PYGB: variants seen among roughly 807,000 people sequenced by gnomAD.
The protein encoded by PYGB is glycogen phosphorylase, brain form.
PYGB carries 82 observed loss-of-function variants against 94.3 expected under a neutral mutation model. That is an observed-to-expected ratio of 0.87 (90% CI 0.73 to 1.04). The LOEUF (loss-of-function observed/expected upper bound fraction) is 1.04. PYGB is among the 50% of genes least tolerant of loss of function. PYGB has a pLI of 0.00. For missense variants in PYGB, 1,132 were observed against 1,158.2 expected (o/e 0.98, Z 0.33); for synonymous variants, 488 against 479.1 (o/e 1.02, Z -0.24).
At chr20:25,264,038 T>C (rs1443109513) in intron 2 of PYGB, among the ~76,000 whole-genome samples, 1 of 152,220 alleles carries the variant, frequency 6.6e-6, no homozygotes, top group Non-Finnish European at 1.5e-5. Context: ...AGTAAAATAC[T>C]GGCAAACCAA....
intron 12 of PYGB, among the ~76,000 whole-genome samples, chr20:25,282,488 A>G (rs2088377617): frequency 6.6e-6 from 1 of 152,238 alleles, no homozygotes; most frequent in Non-Finnish European, 1.5e-5. Flanking sequence ...GTTGGCTCCT[A>G]TGCAAGCTCC....
At chr20:25,284,580 G>A (rs1051803953) in intron 14 of PYGB, among the ~76,000 whole-genome samples, 1 of 152,150 alleles carries the variant, frequency 6.6e-6, no homozygotes, top group Non-Finnish European at 1.5e-5. Flanking sequence ...GACTACAGGC[G>A]CACGCCACTA....
At chr20:25,294,325 A>C in intron 18 of PYGB, 33 bp downstream of exon 18, 7 of 244,694 alleles carry the variant, frequency 2.9e-5, no homozygotes, top group African/African-American at 1.1e-4. Flanking sequence ...GGTGGCTGGG[A>C]GGGAGGGAGG....
At chr20:25,278,103 T>TCTC (rs11472555) in intron 7 of PYGB, among the ~76,000 whole-genome samples, 68,645 of 151,904 alleles carry the variant, frequency 0.45, 16,088 homozygotes, top group East Asian at 0.92. Context: ...GCACTGTACT[T>TCTC]CTGACGGATG....
chr20:25,296,328 G>T (rs1458638501), intron 19 of PYGB, 42 bp from the exon 20 acceptor site: 1 of 1,610,656 alleles, frequency 6.2e-7, no homozygotes, highest in Non-Finnish European at 8.5e-7. Flanking sequence ...GCAGCCCCAA[G>T]CCCTGTGACG....
intron 13 of PYGB, among the ~76,000 whole-genome samples, chr20:25,283,653 C>T (rs942480240): frequency 6.6e-6 from 1 of 152,250 alleles, no homozygotes; most frequent in South Asian, 2.1e-4. Flanking sequence ...GCTGTCTGCA[C>T]CGGCAGCAGC....
intron 17 of PYGB, 128 bp from the exon 18 acceptor site, chr20:25,294,030 G>A: frequency 7.6e-7 from 1 of 1,307,626 alleles, no homozygotes; most frequent in East Asian, 2.5e-5. Context: ...TGCTGCCCTG[G>A]ACCGTGCAGG....
chr20:25,281,966 A>G lies in PYGB; in HGVS notation c.1404-67A>G, dbSNP rs41282328. The G allele has an allele frequency of 2.6e-3, 3,527 of 1,367,332 alleles. 81 individuals are homozygous for G. The African/African-American group carries it at 0.044, about 17-fold the overall frequency. 84.7% of individuals were successfully genotyped at this position (1,367,332 alleles called of 1,614,324 possible). On this transcript the variant is annotated intron_variant, in intron 11 of 19. Transcript: ENST00000216962. ...CCTGGGACCTCCTTAAAAGGACTTT[A>G]AGGTCTGTTGCTCACCTGGTGCAGG...
rs1055455999 is a variant in PYGB, at chr20:25,292,310, C to T, written c.1970-96C>T. ...CAGCATTGGTCCCTCCACGACCCAGCCCCGGGTGGATGGGCCGGCTTGTCC... is the reference window on the plus strand; with the variant it reads ...CAGCATTGGTCCCTCCACGACCCAGTCCCGGGTGGATGGGCCGGCTTGTCC... On this transcript the variant is annotated intron_variant, in intron 16 of 19. Coordinates refer to ENST00000216962, the MANE Select transcript of PYGB (RefSeq NM_002862.4). 16 of 1,428,842 alleles carry T rather than the reference C, an allele frequency of 1.1e-5. No individual in the cohort carries two copies. In the African/African-American group the frequency reaches 1.7e-4, roughly 15 times the overall value. 88.5% of individuals were successfully genotyped at this position (1,428,842 alleles called of 1,614,324 possible).
Position 25,296,458 on chromosome 20 carries a change from G to A in PYGB, c.2468G>A (p.Arg823Gln), listed in dbSNP as rs758339184. 16 of 1,613,806 alleles carry A rather than the reference G, an allele frequency of 9.9e-6. No individual in the cohort carries two copies. Among genetic ancestry groups the A allele is most frequent in the African/African-American group, 1.3e-5 (1 of 74,920 alleles). ...SSDRTITEYA[R>Q]EIWGVEPSDL... ...GACCGGACCATCACGGAGTATGCAC[G>A]GGAGATCTGGGGTGTGGAGCCCTCC... The change falls in exon 20 of 20, where the codon CGG becomes CAG. Residue 823 changes from arginine (R) to glutamine (Q), a missense_variant. Coordinates refer to ENST00000216962, the MANE Select transcript of PYGB (RefSeq NM_002862.4).
intron 18 of PYGB, 120 bp from the exon 19 acceptor site, chr20:25,295,484 C>A: frequency 8.3e-7 from 1 of 1,204,134 alleles, no homozygotes; most frequent in Non-Finnish European, 1.2e-6. Context: ...GGGTGGGCCC[C>A]TTCGCTCCAG....
At chr20:25,271,748 A>C (rs1378983433) in intron 4 of PYGB, among the ~76,000 whole-genome samples, 1 of 152,174 alleles carries the variant, frequency 6.6e-6, no homozygotes, top group Non-Finnish European at 1.5e-5. Flanking sequence ...AGGACACAGA[A>C]TCCTGGGTGA....
At chr20:25,254,932 T>C (rs916802373) in intron 1 of PYGB, among the ~76,000 whole-genome samples, 1 of 152,236 alleles carries the variant, frequency 6.6e-6, no homozygotes, top group Non-Finnish European at 1.5e-5. Context: ...TAAAGTTCTA[T>C]AATTCTTTTA....
intron 15 of PYGB, 76 bp from the exon 16 acceptor site, chr20:25,290,404 AC>A: frequency 1.9e-6 from 3 of 1,543,284 alleles, no homozygotes; most frequent in Non-Finnish European, 2.7e-6. Context: ...CCCCCTACAG[AC>A]CCCAGGAACC....
intron 1 of PYGB, among the ~76,000 whole-genome samples, chr20:25,256,632 T>TA (rs1254592970): frequency 6.6e-6 from 1 of 152,210 alleles, no homozygotes; most frequent in Non-Finnish European, 1.5e-5. Flanking sequence ...AGGGCCTCCT[T>TA]AGAGCAGAGC....
At chr20:25,254,058 C>T (rs934705903) in intron 1 of PYGB, among the ~76,000 whole-genome samples, 3 of 130,308 alleles carry the variant, frequency 2.3e-5, no homozygotes, top group Admixed American at 7.6e-5. Context: ...GGCAACGGAG[C>T]GAGACTCTGT....
intron 2 of PYGB, among the ~76,000 whole-genome samples, chr20:25,267,893 A>G (rs893776320): frequency 3.3e-5 from 5 of 152,218 alleles, no homozygotes; most frequent in Admixed American, 6.5e-5. Context: ...AGGTAGGAAG[A>G]GTGTGCTGTA....
chr20:25,283,180 T>G lies in PYGB; in HGVS notation c.1523T>G (p.Ile508Ser). 6.2e-7 allele frequency: 1 copy of G among 1,612,524 alleles called. No homozygotes were observed. The highest frequency in any genetic ancestry group is 8.5e-7 in the Non-Finnish European group (1 of 1,178,796). Residue 508 changes from isoleucine (I) to serine (S), a missense_variant, in exon 13 of 20, where the codon ATT (isoleucine) becomes AGT (serine). Coordinates refer to ENST00000216962, the MANE Select transcript of PYGB (RefSeq NM_002862.4). ...PGLADTIVEK[I>S]GEEFLTDLSQ... ...CGGAACCTTTACGTTCTCCAGAAAA[T>G]TGGGGAGGAGTTCCTGACTGACCTG...
chr20:25,255,124 T>G (rs2092899536), intron 1 of PYGB, among the ~76,000 whole-genome samples: 2 of 152,288 alleles, frequency 1.3e-5, no homozygotes, highest in Admixed American at 6.5e-5. Context: ...GCTTGAGAGA[T>G]GTGCTAGCTA....
Sources: allele counts gnomAD v4.1 joint callset (sites outside exome capture counted in the v4.1 genomes callset), GRCh38; gene constraint gnomAD v4.1.1; transcripts MANE v1.5; gene names NCBI Gene and HGNC (gene_info 2026-07-23, HGNC 2026-07-21).